PARD3B: variants seen among roughly 807,000 people sequenced by gnomAD.
The protein encoded by PARD3B is partitioning defective 3 homolog B.
PARD3B carries 103 observed loss-of-function variants against 130.2 expected under a neutral mutation model. That is an observed-to-expected ratio of 0.79 (90% CI 0.67 to 0.93). PARD3B has a LOEUF of 0.93. Among genes scored for constraint, PARD3B ranks in the 40% least tolerant of loss-of-function variants. PARD3B has a pLI of 0.00. For missense variants in PARD3B, 1,609 were observed against 1,499.2 expected, an observed-to-expected ratio of 1.07 and a Z score of -1.21; for synonymous variants, 583 against 553.2, an observed-to-expected ratio of 1.05 and a Z score of -0.76.
chr2:204,642,842 G>T (rs1050728067), intron 1 of PARD3B, among the ~76,000 whole-genome samples: 1 of 151,172 alleles, frequency 6.6e-6, no homozygotes, highest in Non-Finnish European at 1.5e-5. Flanking sequence ...GGCCGGGCGC[G>T]GTGGCTCACA....
At chr2:204,987,428 T>G (rs1693258789) in intron 3 of PARD3B, among the ~76,000 whole-genome samples, 1 of 152,230 alleles carries the variant, frequency 6.6e-6, no homozygotes. Context: ...GTATTACCTT[T>G]GTCAAAGAAA....
At chr2:205,424,032 A>G (rs2047062524) in intron 19 of PARD3B, among the ~76,000 whole-genome samples, 1 of 152,144 alleles carries the variant, frequency 6.6e-6, no homozygotes, top group Non-Finnish European at 1.5e-5. Flanking sequence ...AAGGCCCATA[A>G]CACAGATTTA....
At chr2:204,646,877 G>A (rs1475030118) in intron 1 of PARD3B, among the ~76,000 whole-genome samples, 1 of 151,934 alleles carries the variant, frequency 6.6e-6, no homozygotes, top group Non-Finnish European at 1.5e-5. Flanking sequence ...GAACATCATA[G>A]CTTAGCCTAC....
intron 18 of PARD3B, among the ~76,000 whole-genome samples, chr2:205,371,427 A>T (rs1480692706): frequency 6.6e-6 from 1 of 152,190 alleles, no homozygotes; most frequent in Non-Finnish European, 1.5e-5. Flanking sequence ...TATGGTCTGT[A>T]GAACAAAGCA....
intron 22 of PARD3B, among the ~76,000 whole-genome samples, chr2:205,601,742 T>G (rs2054793503): frequency 1.3e-5 from 2 of 152,016 alleles, no homozygotes; most frequent in Non-Finnish European, 1.5e-5. Flanking sequence ...CCAGCACATT[T>G]ATTAAATAGG....
intron 20 of PARD3B, among the ~76,000 whole-genome samples, chr2:205,497,203 GAA>G (rs35346665): frequency 2.2e-3 from 281 of 129,078 alleles, no homozygotes; most frequent in African/African-American, 5.0e-3. Flanking sequence ...CATACATATT[GAA>G]AAAAAAAAAA....
chr2:205,457,540 A>T (rs1021198199), intron 20 of PARD3B, among the ~76,000 whole-genome samples: 2 of 152,030 alleles, frequency 1.3e-5, no homozygotes, highest in Non-Finnish European at 2.9e-5. Context: ...CTTTCTGAAT[A>T]TCTGTGTTTC....
chr2:205,497,268 G>C (rs1021059714), intron 20 of PARD3B, among the ~76,000 whole-genome samples: 7 of 151,332 alleles, frequency 4.6e-5, no homozygotes, highest in Non-Finnish European at 5.9e-5. Context: ...TGAACCAAAG[G>C]CATCAGCTGC....
chr2:204,555,566 T>A (rs1229707671), intron 1 of PARD3B, among the ~76,000 whole-genome samples: 3 of 151,992 alleles, frequency 2.0e-5, no homozygotes, highest in Non-Finnish European at 2.9e-5. Flanking sequence ...TTAAAAAAAA[T>A]TTATATCCAT....
intron 20 of PARD3B, among the ~76,000 whole-genome samples, chr2:205,468,264 G>A (rs2048701983): frequency 3.3e-5 from 5 of 152,162 alleles, no homozygotes. Context: ...TATAATACCA[G>A]TGCGATTCTC....
intron 2 of PARD3B, among the ~76,000 whole-genome samples, chr2:204,766,107 T>C (rs2041134236): frequency 1.3e-5 from 2 of 152,212 alleles, no homozygotes; most frequent in South Asian, 4.1e-4. Flanking sequence ...CAATTCTATA[T>C]ATTTTGTTTC....
chr2:205,378,821 G>A (rs1381217388), intron 18 of PARD3B, among the ~76,000 whole-genome samples: 3 of 151,776 alleles, frequency 2.0e-5, no homozygotes, highest in African/African-American at 4.8e-5. Flanking sequence ...TAGTAGAGAC[G>A]GGGTTTCACT....
intron 4 of PARD3B, among the ~76,000 whole-genome samples, chr2:205,101,370 A>T (rs955319154): frequency 1.7e-4 from 26 of 152,234 alleles, no homozygotes; most frequent in African/African-American, 5.5e-4. Context: ...ATAAATTAAA[A>T]TTAAAAATGA....
chr2:205,452,042 TG>T (rs1405462221), intron 20 of PARD3B, among the ~76,000 whole-genome samples: 1 of 152,148 alleles, frequency 6.6e-6, no homozygotes, highest in African/African-American at 2.4e-5. Context: ...TGAAAAAGCA[TG>T]TGCTTTGGGA....
chr2:205,163,738 C>CT (rs1202675684), intron 11 of PARD3B, among the ~76,000 whole-genome samples: 5 of 152,160 alleles, frequency 3.3e-5, no homozygotes, highest in African/African-American at 1.2e-4. Flanking sequence ...CCCAGCGTGA[C>CT]TAATTTCCAC....
chr2:205,086,230 C>T (rs1701734546), intron 4 of PARD3B, among the ~76,000 whole-genome samples: 1 of 152,086 alleles, frequency 6.6e-6, no homozygotes, highest in African/African-American at 2.4e-5. Context: ...CTGGTTTTTC[C>T]CCCAGGTGAC....
At chr2:204,737,918 T>C (rs947201071) in intron 2 of PARD3B, among the ~76,000 whole-genome samples, 3 of 152,198 alleles carry the variant, frequency 2.0e-5, no homozygotes, top group South Asian at 2.1e-4. Flanking sequence ...TTCTTTTCCA[T>C]AGATCTATGT....
At chr2:204,963,163 C>T (rs989006961) in intron 2 of PARD3B, among the ~76,000 whole-genome samples, 3 of 151,440 alleles carry the variant, frequency 2.0e-5, no homozygotes, top group African/African-American at 7.4e-5. Context: ...ACCATTTAGT[C>T]AGTGACCTTG....
chr2:205,029,363 G>C (rs1007686825), intron 3 of PARD3B, among the ~76,000 whole-genome samples: 2 of 151,976 alleles, frequency 1.3e-5, no homozygotes, highest in Non-Finnish European at 2.9e-5. Flanking sequence ...TTTGTGCCTA[G>C]TACTTACCAC....
Sources: allele counts gnomAD v4.1 joint callset (sites outside exome capture counted in the v4.1 genomes callset), GRCh38; gene constraint gnomAD v4.1.1; transcripts MANE v1.5; gene names NCBI Gene and HGNC (gene_info 2026-07-23, HGNC 2026-07-21).